MGMT: variants seen among roughly 807,000 people sequenced by gnomAD.
The protein encoded by MGMT is methylated-DNA--protein-cysteine methyltransferase.
MGMT carries 14 observed loss-of-function variants against 15.9 expected under a neutral mutation model. The ratio of observed to expected loss-of-function variants is 0.88; its 90% CI spans 0.58 to 1.37. The LOEUF (loss-of-function observed/expected upper bound fraction) is 1.37. Among genes scored for constraint, MGMT ranks in the 40% most tolerant of loss-of-function variants. The probability of loss-of-function intolerance (pLI) is 0.00; values close to 1 mark genes in which losing one functional copy is unlikely to be tolerated. For synonymous variants in MGMT, 130 were observed against 118.2 expected, an observed-to-expected ratio of 1.10 and a Z score of -0.65; for missense variants, 282 against 268.1, an observed-to-expected ratio of 1.05 and a Z score of -0.36.
Position 129,759,314 on chromosome 10 carries a change from A to G in MGMT, c.387A>G (p.Ala129=). The change falls in exon 4 of 5, where the codon GCA becomes GCG. Residue 129 remains alanine, a synonymous_variant. Transcript: ENST00000651593. Reference sequence around the variant, plus strand: ...CAGGCAACCCCAAAGCCGCGCGAGCAGTGGGAGGAGCAATGAGAGGCAATC... The same window carrying G: ...CAGGCAACCCCAAAGCCGCGCGAGCGGTGGGAGGAGCAATGAGAGGCAATC... ...ALAGNPKAAR[A]VGGAMRGNPV... is the part of the protein sequence containing the mutation. 6.2e-7 allele frequency: 1 copy of G among 1,614,176 alleles called. No homozygotes were observed. Among genetic ancestry groups the G allele is most frequent in the Admixed American group, 1.7e-5 (1 of 60,030 alleles).
At chr10:129,742,749 G>T (rs1435060237) in intron 3 of MGMT, among the ~76,000 whole-genome samples, 2 of 151,266 alleles carry the variant, frequency 1.3e-5, no homozygotes, top group East Asian at 3.9e-4. Context: ...CCCATGCTCA[G>T]AGCCAGGTCA....
intron 1 of MGMT, among the ~76,000 whole-genome samples, chr10:129,490,751 A>G (rs990467945): frequency 3.3e-5 from 5 of 151,986 alleles, no homozygotes; most frequent in African/African-American, 1.2e-4. Context: ...TATTTGTCCC[A>G]TCTTTATTTG....
At chr10:129,627,539 A>G (rs79356543) in intron 2 of MGMT, among the ~76,000 whole-genome samples, 1 of 152,252 alleles carries the variant, frequency 6.6e-6, no homozygotes, top group African/African-American at 2.4e-5. Flanking sequence ...TGATGTCTTC[A>G]TCTGGCCCCT....
At chr10:129,742,678 C>T (rs1848648709) in intron 3 of MGMT, among the ~76,000 whole-genome samples, 1 of 149,448 alleles carries the variant, frequency 6.7e-6, no homozygotes, top group Non-Finnish European at 1.5e-5. Context: ...CTGCAGCGGC[C>T]CATGCTCAGA....
At chr10:129,468,461 T>C (rs1845195348) in intron 1 of MGMT, among the ~76,000 whole-genome samples, 1 of 152,124 alleles carries the variant, frequency 6.6e-6, no homozygotes, top group Admixed American at 6.5e-5. Flanking sequence ...TCTTTCTTCC[T>C]GGGCCCTCTG....
At chr10:129,666,401 A>G (rs1847659347) in intron 2 of MGMT, among the ~76,000 whole-genome samples, 1 of 152,188 alleles carries the variant, frequency 6.6e-6, no homozygotes, top group South Asian at 2.1e-4. Flanking sequence ...TTTCCTATCT[A>G]GGAATATGCT....
At chr10:129,508,407 G>A (rs1315814238) in intron 1 of MGMT, among the ~76,000 whole-genome samples, 1 of 152,086 alleles carries the variant, frequency 6.6e-6, no homozygotes, top group Non-Finnish European at 1.5e-5. Flanking sequence ...CTAAAACAGT[G>A]TGTTTGTCAG....
chr10:129,632,469 T>A (rs944477669), intron 2 of MGMT, among the ~76,000 whole-genome samples: 2 of 139,756 alleles, frequency 1.4e-5, no homozygotes, highest in Non-Finnish European at 3.2e-5. Flanking sequence ...ACTTCGCCAG[T>A]ACGGGGCAAA....
chr10:129,512,160 G>C (rs948929982), intron 1 of MGMT, among the ~76,000 whole-genome samples: 2 of 152,286 alleles, frequency 1.3e-5, no homozygotes, highest in East Asian at 1.9e-4. Flanking sequence ...TAGAGGCGGC[G>C]AGGTGTTGGC....
intron 2 of MGMT, among the ~76,000 whole-genome samples, chr10:129,638,818 A>G (rs1847294493): frequency 6.6e-6 from 1 of 152,206 alleles, no homozygotes; most frequent in Admixed American, 6.5e-5. Context: ...ATCCAAATAT[A>G]CGCCACTCAA....
intron 3 of MGMT, among the ~76,000 whole-genome samples, chr10:129,733,775 T>G (rs1373366901): frequency 6.6e-6 from 1 of 152,240 alleles, no homozygotes; most frequent in African/African-American, 2.4e-5. Flanking sequence ...ACTTTCTACA[T>G]ATGGCTAGCC....
Position 129,667,245 on chromosome 10 carries a change from G to A in MGMT, c.126-40650G>A, listed in dbSNP as rs192612088. Among the ~76,000 whole-genome samples, 522 of 152,174 alleles carry A rather than the reference G, an allele frequency of 3.4e-3. 5 individuals carry two copies. In the Middle Eastern group the frequency reaches 0.044, roughly 13 times the overall value. On this transcript the variant is annotated intron_variant, in intron 2 of 4. Coordinates refer to ENST00000651593, the MANE Select transcript of MGMT (RefSeq NM_002412.5). Reference sequence around the variant, plus strand: ...CTGCTCCCAGAAGTAACCCTATTCCGACTTTTCTGGGTTTTCTTGGTAATC... The same window carrying A: ...CTGCTCCCAGAAGTAACCCTATTCCAACTTTTCTGGGTTTTCTTGGTAATC...
chr10:129,732,576 C>CT (rs1848512823), intron 3 of MGMT, among the ~76,000 whole-genome samples: 1 of 150,620 alleles, frequency 6.6e-6, no homozygotes, highest in African/African-American at 2.4e-5. Flanking sequence ...TATTATTATA[C>CT]TTTAAGTTTT....
chr10:129,510,390 C>T (rs950833183), intron 1 of MGMT, among the ~76,000 whole-genome samples: 9 of 152,042 alleles, frequency 5.9e-5, no homozygotes, highest in Non-Finnish European at 1.3e-4. Flanking sequence ...GGTGGGAGCA[C>T]GTTGAGGGCC....
At chr10:129,576,485 A>G (rs1846484343) in intron 2 of MGMT, among the ~76,000 whole-genome samples, 1 of 152,138 alleles carries the variant, frequency 6.6e-6, no homozygotes, top group African/African-American at 2.4e-5. Flanking sequence ...AAATTCAACA[A>G]CCCTTCATGC....
In MGMT at chr10:129,646,754, A is replaced by ATTTTTTTTTTTTTTT. The variant is rs1554873525; in HGVS notation, c.126-61137_126-61136insTTTTTTTTTTTTTTT. Among the ~76,000 whole-genome samples, 141 of 86,252 alleles carry ATTTTTTTTTTTTTTT rather than the reference A, an allele frequency of 1.6e-3. 1 individual carries two copies. Among genetic ancestry groups the ATTTTTTTTTTTTTTT allele is most frequent in the African/African-American group, 2.0e-3 (52 of 25,462 alleles). 56.6% of individuals were successfully genotyped at this position (86,252 alleles called of 152,430 possible). Reference sequence around the variant, plus strand: ...TATATATATATATATATATATATATATTTTCAGGGAATGGTAGAGAACAGT... The same window carrying ATTTTTTTTTTTTTTT: ...TATATATATATATATATATATATATATTTTTTTTTTTTTTTTTTTCAGGGAATGGTAGAGAACAGT... On this transcript the variant is annotated intron_variant, in intron 2 of 4. Transcript: ENST00000651593.
intron 2 of MGMT, among the ~76,000 whole-genome samples, chr10:129,610,496 C>G (rs1846946816): frequency 6.6e-6 from 1 of 152,242 alleles, no homozygotes. Context: ...CCCTTGTTTT[C>G]TTCAGCTCTC....
chr10:129,656,308 C>A (rs1379179633), intron 2 of MGMT, among the ~76,000 whole-genome samples: 1 of 152,196 alleles, frequency 6.6e-6, no homozygotes, highest in South Asian at 2.1e-4. Flanking sequence ...ACTATCTGCC[C>A]AGTGAACATG....
chr10:129,762,440 A>G (rs536891735), intron 4 of MGMT, among the ~76,000 whole-genome samples: 1 of 152,202 alleles, frequency 6.6e-6, no homozygotes, highest in East Asian at 1.9e-4. Flanking sequence ...GCTTTCCTCT[A>G]TCCTAGGAGC....
Sources: allele counts gnomAD v4.1 joint callset (sites outside exome capture counted in the v4.1 genomes callset), GRCh38; gene constraint gnomAD v4.1.1; transcripts MANE v1.5; gene names NCBI Gene and HGNC (gene_info 2026-07-23, HGNC 2026-07-21).